Variants in SLC5A1 observed in about 807,000 individuals in gnomAD.
SLC5A1 encodes the protein sodium/glucose cotransporter 1.
Under a neutral mutation model 73.5 loss-of-function variants are expected in SLC5A1, and 42 were observed. The observed-to-expected ratio is 0.57, with a 90% CI of 0.45 to 0.74. The LOEUF is 0.74. Ranked by LOEUF, SLC5A1 falls within the 30% of genes least tolerant of loss-of-function variation. SLC5A1 has a pLI of 0.00. For missense variants in SLC5A1, 634 were observed against 855.4 expected, an observed-to-expected ratio of 0.74 and a Z score of 3.23; for synonymous variants, 300 against 317.4, an observed-to-expected ratio of 0.95 and a Z score of 0.58.
chr22:32,050,082 T>C (rs1403750974), intron 2 of SLC5A1, 68 bp downstream of exon 2: 2 of 1,374,652 alleles, frequency 1.5e-6, no homozygotes, highest in African/African-American at 2.8e-5. Flanking sequence ...ACTCATTTTC[T>C]TCTTGGCTTT....
chr22:32,064,400 G>T (rs2093968956), intron 2 of SLC5A1, among the ~76,000 whole-genome samples: 1 of 152,034 alleles, frequency 6.6e-6, no homozygotes, highest in Non-Finnish European at 1.5e-5. Context: ...GGAGGCTGAG[G>T]CTGGAGGATC....
At chr22:32,060,378 G>A (rs1294876041) in intron 2 of SLC5A1, among the ~76,000 whole-genome samples, 1 of 152,052 alleles carries the variant, frequency 6.6e-6, no homozygotes, top group African/African-American at 2.4e-5. Context: ...ATTTTTAGTA[G>A]AGATGGGGTT....
rs531610074 is a variant in SLC5A1, at chr22:32,059,495, A to G, written c.208-7440A>G. Among the ~76,000 whole-genome samples the G allele has an allele frequency of 2.0e-5, 3 of 152,354 alleles. No homozygotes were observed. In the South Asian group the frequency reaches 6.2e-4, roughly 32 times the overall value. ...AAACGAAAATGTCATAAACAAAAGC[A>G]GGAGGCAGGAAAGCACAGAGCACAT... On this transcript the variant is annotated intron_variant, in intron 2 of 14. Transcript: ENST00000266088.
intron 10 of SLC5A1, among the ~76,000 whole-genome samples, chr22:32,087,593 A>G (rs2094010277): frequency 6.6e-6 from 1 of 152,164 alleles, no homozygotes; most frequent in Non-Finnish European, 1.5e-5. Context: ...CTGTTTTCCT[A>G]GGAGACTGAG....
At position 32,105,932 on chromosome 22, in the gene SLC5A1, G is replaced by A. The variant is rs28888387; in HGVS notation, c.1771+1041G>A. ...GACAGGGTCTCATTCTTTCTTTATG[G>A]CTGAATAGTACTCCATTGTGTATAT... On this transcript the variant is annotated intron_variant, in intron 14 of 14. Transcript: ENST00000266088. Among the ~76,000 whole-genome samples the A allele has an allele frequency of 6.0e-3, 917 of 152,194 alleles. 7 individuals carry two copies. The highest frequency in any genetic ancestry group is 0.021 in the African/African-American group (857 of 41,528).
intron 5 of SLC5A1, among the ~76,000 whole-genome samples, chr22:32,068,841 G>A (rs2093978421): frequency 6.6e-6 from 1 of 152,178 alleles, no homozygotes; most frequent in South Asian, 2.1e-4. Flanking sequence ...TTCAGGGAAA[G>A]CAGTTCTTAA....
intron 1 of SLC5A1, among the ~76,000 whole-genome samples, chr22:32,044,517 T>G (rs1483140928): frequency 7.6e-6 from 1 of 131,134 alleles, no homozygotes; most frequent in Non-Finnish European, 1.7e-5. Context: ...AAGGAAGTGT[T>G]TTTTTTTTTT....
At chr22:32,094,008 G>T (rs895647552) in intron 11 of SLC5A1, among the ~76,000 whole-genome samples, 1 of 214 alleles carries the variant, frequency 4.7e-3, no homozygotes, top group Non-Finnish European at 0.01. Context: ...TTACATTAAG[G>T]TATGCTTTTA....
chr22:32,101,745 A>G (rs2094036665), intron 12 of SLC5A1, among the ~76,000 whole-genome samples: 1 of 152,194 alleles, frequency 6.6e-6, no homozygotes, highest in Non-Finnish European at 1.5e-5. Context: ...TCCAGTTATT[A>G]GACACTTTAC....
At chr22:32,046,133 C>T (rs2093936864) in intron 1 of SLC5A1, among the ~76,000 whole-genome samples, 1 of 152,188 alleles carries the variant, frequency 6.6e-6, no homozygotes. Flanking sequence ...TGAGGGAGCC[C>T]AACCTTTCTG....
intron 7 of SLC5A1, 96 bp from the exon 8 acceptor site, chr22:32,084,343 G>A: frequency 9.5e-7 from 1 of 1,050,596 alleles, no homozygotes; most frequent in South Asian, 1.3e-5. Context: ...CTGTCTGTGG[G>A]TTGGGTCCTC....
intron 2 of SLC5A1, among the ~76,000 whole-genome samples, chr22:32,052,945 G>T (rs1419235197): frequency 2.6e-5 from 4 of 152,182 alleles, no homozygotes; most frequent in South Asian, 2.1e-4. Context: ...TTAGAAGGGT[G>T]CTGGGTCTAA....
At chr22:32,057,446 T>G (rs2149484937) in intron 2 of SLC5A1, among the ~76,000 whole-genome samples, 1 of 152,252 alleles carries the variant, frequency 6.6e-6, no homozygotes, top group South Asian at 2.1e-4. Context: ...TTTATTTTTT[T>G]GGAGAGATGG....
intron 2 of SLC5A1, among the ~76,000 whole-genome samples, chr22:32,058,179 T>C (rs943764359): frequency 1.3e-5 from 2 of 152,162 alleles, no homozygotes; most frequent in South Asian, 4.1e-4. Flanking sequence ...TTGTATCTCC[T>C]CATGTCATAA....
intron 1 of SLC5A1, among the ~76,000 whole-genome samples, chr22:32,046,899 G>T (rs955911296): frequency 1.3e-5 from 2 of 152,240 alleles, no homozygotes; most frequent in Admixed American, 1.3e-4. Context: ...TGTTTACAAA[G>T]TGGTGTCTGG....
intron 14 of SLC5A1, among the ~76,000 whole-genome samples, chr22:32,106,256 G>A (rs747539311): frequency 3.3e-5 from 5 of 152,228 alleles, no homozygotes; most frequent in Middle Eastern, 3.4e-3. Context: ...GATATAAGCC[G>A]TTTTAACTGT....
chr22:32,051,398 G>A (rs1280102918), intron 2 of SLC5A1, among the ~76,000 whole-genome samples: 1 of 152,190 alleles, frequency 6.6e-6, no homozygotes, highest in African/African-American at 2.4e-5. Context: ...ACTCACACCT[G>A]TAATCCAGGC....
chr22:32,045,888 C>T (rs2093936485), intron 1 of SLC5A1, among the ~76,000 whole-genome samples: 1 of 152,190 alleles, frequency 6.6e-6, no homozygotes, highest in African/African-American at 2.4e-5. Flanking sequence ...TGTCTCACAG[C>T]CTGTTTTTGT....
intron 2 of SLC5A1, among the ~76,000 whole-genome samples, chr22:32,054,068 G>A (rs1256343166): frequency 6.6e-6 from 1 of 152,180 alleles, no homozygotes; most frequent in Non-Finnish European, 1.5e-5. Flanking sequence ...AGCTACTTGG[G>A]AGGCTGAGGT....
Sources: allele counts gnomAD v4.1 joint callset (sites outside exome capture counted in the v4.1 genomes callset), GRCh38; gene constraint gnomAD v4.1.1; transcripts MANE v1.5; gene names NCBI Gene and HGNC (gene_info 2026-07-23, HGNC 2026-07-21).